Variants in EMB observed in about 807,000 individuals in gnomAD.
EMB encodes the protein embigin.
A neutral mutation model predicts 41.4 loss-of-function variants in EMB; 31 were observed. That is an observed-to-expected ratio of 0.75 (90% confidence interval 0.56 to 1.01). The LOEUF is 1.01. Ranked by LOEUF, EMB falls within the 50% of genes least tolerant of loss-of-function variation. The pLI is 0.00. For synonymous variants in EMB, 137 were observed against 140.4 expected (o/e 0.98, Z 0.17); for missense variants, 379 against 388.3 (o/e 0.98, Z 0.20).
chr5:50,420,927 C>T (rs566359431), intron 2 of EMB, among the ~76,000 whole-genome samples: 1 of 152,264 alleles, frequency 6.6e-6, no homozygotes, highest in African/African-American at 2.4e-5. Context: ...TTGTCTCACA[C>T]AGTTGACTCA....
intron 1 of EMB, among the ~76,000 whole-genome samples, chr5:50,436,185 A>G (rs1008451089): frequency 1.3e-5 from 2 of 152,202 alleles, no homozygotes; most frequent in African/African-American, 4.8e-5. Context: ...ACTTATGTAT[A>G]TGATATGCAT....
intron 2 of EMB, among the ~76,000 whole-genome samples, chr5:50,422,497 C>T (rs1745540915): frequency 6.6e-6 from 1 of 152,114 alleles, no homozygotes; most frequent in African/African-American, 2.4e-5. Context: ...GATTAGAGTG[C>T]TATTTCAAAG....
chr5:50,420,811 C>A (rs1218232702), intron 2 of EMB, among the ~76,000 whole-genome samples: 1 of 152,084 alleles, frequency 6.6e-6, no homozygotes, highest in Non-Finnish European at 1.5e-5. Flanking sequence ...GGCACTTTCC[C>A]TTAGACTGAA....
intron 6 of EMB, among the ~76,000 whole-genome samples, chr5:50,402,960 A>T (rs1215402097): frequency 6.6e-6 from 1 of 150,882 alleles, no homozygotes; most frequent in Non-Finnish European, 1.5e-5. Context: ...TTTTTTCAGG[A>T]ATTGAAACAG....
chr5:50,414,289 T>G (rs1335997194), intron 2 of EMB, among the ~76,000 whole-genome samples: 1 of 151,814 alleles, frequency 6.6e-6, no homozygotes, highest in Non-Finnish European at 1.5e-5. Context: ...TTTGGGAGAC[T>G]GAGGTGTGTG....
At chr5:50,442,103 G>A (rs1332310071), upstream of EMB, among the ~76,000 whole-genome samples, 3 of 151,910 alleles carry the variant, frequency 2.0e-5, no homozygotes, top group Non-Finnish European at 4.4e-5. Flanking sequence ...ATGTTATAAC[G>A]CATTAAAAGA....
At chr5:50,421,218 T>G (rs879133839) in intron 2 of EMB, among the ~76,000 whole-genome samples, 1 of 151,964 alleles carries the variant, frequency 6.6e-6, no homozygotes, top group African/African-American at 2.4e-5. Context: ...AATGCAACCA[T>G]CAAAAAGTGG....
In EMB at chr5:50,421,686, A is replaced by C. The variant is rs539851989; in HGVS notation, c.196+6458T>G. On this transcript the variant is annotated intron_variant, in intron 2 of 8. Transcript: ENST00000303221. ...ATAGACTGGATTAAGAAAATGTGGC[A>C]CATATACACCATGGAATACTATGCA... Among the ~76,000 whole-genome samples the C allele has an allele frequency of 5.4e-3, 819 of 151,994 alleles. 6 individuals are homozygous for C. Among genetic ancestry groups the C allele is most frequent in the African/African-American group, 0.019 (779 of 41,448 alleles).
upstream of EMB, among the ~76,000 whole-genome samples, chr5:50,441,920 C>T (rs755864580): frequency 1.8e-4 from 27 of 152,140 alleles, no homozygotes; most frequent in Non-Finnish European, 2.9e-4. Flanking sequence ...CTGCACAAGA[C>T]ATTGACCTTT....
At chr5:50,432,187 AT>A (rs1745731026) in intron 1 of EMB, among the ~76,000 whole-genome samples, 1 of 152,198 alleles carries the variant, frequency 6.6e-6, no homozygotes, top group Admixed American at 6.5e-5. Flanking sequence ...TACATCTCTG[AT>A]TAAGAATAAA....
chr5:50,409,096 G>T (rs1380572725), intron 4 of EMB, among the ~76,000 whole-genome samples: 1 of 152,108 alleles, frequency 6.6e-6, no homozygotes, highest in Non-Finnish European at 1.5e-5. Context: ...TTTCCTTAAA[G>T]CCTTGATTTA....
chr5:50,426,677 A>G (rs1464777015), intron 2 of EMB, among the ~76,000 whole-genome samples: 3 of 152,218 alleles, frequency 2.0e-5, no homozygotes, highest in Non-Finnish European at 4.4e-5. Context: ...TAGAAATGTT[A>G]TAAGTATTGT....
At chr5:50,401,290 G>T (rs1045522525) in intron 7 of EMB, among the ~76,000 whole-genome samples, 8 of 151,958 alleles carry the variant, frequency 5.3e-5, no homozygotes, top group African/African-American at 1.9e-4. Flanking sequence ...TATGTGAATG[G>T]AGTCAACATG....
upstream of EMB, among the ~76,000 whole-genome samples, chr5:50,442,245 G>A (rs1335150557): frequency 6.6e-6 from 1 of 151,738 alleles, no homozygotes; most frequent in Non-Finnish European, 1.5e-5. Flanking sequence ...GACAAATTTT[G>A]AAAATTGAGC....
chr5:50,399,161 C>A lies in EMB; in HGVS notation c.*112G>T. ...GCTCCTGCTGAGCATGTTGCATAAG[C>A]TTTTCATCCTTTTAAAACTAAAAAC... is the stretch of plus-strand genomic sequence containing the variant. On this transcript the variant is annotated 3_prime_UTR_variant, in exon 9 of 9. Coordinates refer to ENST00000303221, the MANE Select transcript of EMB (RefSeq NM_198449.3). 6.7e-7 allele frequency: 1 copy of A among 1,485,074 alleles called. No individual in the cohort carries two copies. The highest frequency in any genetic ancestry group is 9.1e-7 in the Non-Finnish European group (1 of 1,102,962). 92.0% of individuals were successfully genotyped at this position (1,485,074 alleles called of 1,614,324 possible).
chr5:50,423,053 G>GA (rs927795124), intron 2 of EMB, among the ~76,000 whole-genome samples: 12 of 149,548 alleles, frequency 8.0e-5, no homozygotes, highest in African/African-American at 1.5e-4. Context: ...GGTCCATTAG[G>GA]AAAAAAATGT....
chr5:50,415,191 T>C (rs1435940766), intron 2 of EMB, among the ~76,000 whole-genome samples: 2 of 152,154 alleles, frequency 1.3e-5, no homozygotes, highest in Non-Finnish European at 2.9e-5. Context: ...CCCAGTTTTA[T>C]CCAACCCTCC....
At chr5:50,434,300 C>A (rs1745769378) in intron 1 of EMB, among the ~76,000 whole-genome samples, 2 of 152,208 alleles carry the variant, frequency 1.3e-5, no homozygotes, top group South Asian at 4.1e-4. Context: ...ACAGATACAT[C>A]AGCAATACTG....
chr5:50,419,302 G>C (rs764867510), intron 2 of EMB, among the ~76,000 whole-genome samples: 2 of 152,010 alleles, frequency 1.3e-5, no homozygotes, highest in Non-Finnish European at 2.9e-5. Context: ...TCTAATTTCT[G>C]CCTTCTCTAC....
Sources: gnomAD v4.1 joint callset for allele counts (sites outside exome capture counted in the v4.1 genomes callset) on GRCh38, gnomAD v4.1.1 for gene constraint, MANE v1.5 for transcripts, NCBI Gene and HGNC (gene_info 2026-07-23, HGNC 2026-07-21) for gene names.